Variants in CNKSR2 observed in about 807,000 individuals in gnomAD.
CNKSR2 encodes the protein connector enhancer of kinase suppressor of Ras 2, also known as CNK homolog protein 2.
Under a neutral mutation model 84.4 loss-of-function variants are expected in CNKSR2, and 14 were observed. That is an observed-to-expected ratio of 0.17 (90% confidence interval 0.11 to 0.26). The LOEUF (loss-of-function observed/expected upper bound fraction) is 0.26, where lower values mean the gene tolerates loss of function less well. Among genes scored for constraint, CNKSR2 ranks in the 10% least tolerant of loss-of-function variants. The pLI is 1.00. For missense variants in CNKSR2, 485 were observed against 771.2 expected, an observed-to-expected ratio of 0.63 and a Z score of 4.40; for synonymous variants, 275 against 277.9, an observed-to-expected ratio of 0.99 and a Z score of 0.10.
chrX:21,585,023 C>A (rs756181264), intron 13 of CNKSR2, among the ~76,000 whole-genome samples: 24 of 109,334 alleles, frequency 2.2e-4, no homozygotes, highest in African/African-American at 7.0e-4. Context: ...AAGCAGATCA[C>A]TTGAGCCCAG....
At chrX:21,586,485 G>A (rs930072373) in intron 13 of CNKSR2, among the ~76,000 whole-genome samples, 7 of 111,377 alleles carry the variant, frequency 6.3e-5, no homozygotes, top group Non-Finnish European at 1.1e-4. Context: ...ACAGCAAGAC[G>A]CTTAGTTAAG....
rs1026686552 is a variant in CNKSR2 at position 21,630,426 on chromosome X, G to T, written c.2693-18405G>T. On this transcript the variant is annotated intron_variant, in intron 20 of 21. Coordinates refer to ENST00000379510, the MANE Select transcript of CNKSR2 (RefSeq NM_014927.5). ...CTAATGAGTACTTACTATGTGTCAG[G>T]CACTATTCTAAGGTCTTTACGTAAT... Among the ~76,000 whole-genome samples, 4 of 111,570 alleles carry T rather than the reference G, an allele frequency of 3.6e-5. No homozygotes were observed. In the Admixed American group the frequency reaches 3.8e-4, roughly 11 times the overall value.
At chrX:21,647,976 C>G (rs1242433788) in intron 20 of CNKSR2, among the ~76,000 whole-genome samples, 2 of 111,280 alleles carry the variant, frequency 1.8e-5, no homozygotes, top group Non-Finnish European at 3.8e-5. Flanking sequence ...AGTGTTCAGG[C>G]AATTATAAAA....
At chrX:21,386,361 A>G (rs1376681454) in intron 1 of CNKSR2, among the ~76,000 whole-genome samples, 2 of 111,933 alleles carry the variant, frequency 1.8e-5, no homozygotes, top group African/African-American at 6.5e-5. Flanking sequence ...ATGATAGGAA[A>G]GTTTAGTGAA....
chrX:21,574,876 A>G (rs764834293), intron 13 of CNKSR2, among the ~76,000 whole-genome samples: 25 of 111,613 alleles, frequency 2.2e-4, no homozygotes, highest in South Asian at 7.6e-4. Flanking sequence ...GTGGCTGTTT[A>G]TTTTCATTAT....
rs2089779317 is a variant in CNKSR2, at chrX:21,374,682, A to G, written c.-216A>G. Reference sequence around the variant, plus strand: ...AACTGAGCAGACCCGGCGCGGAGCCACGACTCCTGCACGTTTACCTCCCTG... The same window carrying G: ...AACTGAGCAGACCCGGCGCGGAGCCGCGACTCCTGCACGTTTACCTCCCTG... On this transcript the variant is annotated 5_prime_UTR_variant, in exon 1 of 22. Coordinates refer to ENST00000379510, the MANE Select transcript of CNKSR2 (RefSeq NM_014927.5). The G allele has an allele frequency of 5.9e-6, 3 of 510,011 alleles. No individual in the cohort carries two copies. Among genetic ancestry groups the G allele is most frequent in the Non-Finnish European group, 1.1e-5 (3 of 285,202 alleles). 42.0% of individuals were successfully genotyped at this position (510,011 alleles called of 1,213,427 possible).
chrX:21,630,094 A>G (rs1334070569), intron 20 of CNKSR2, among the ~76,000 whole-genome samples: 2 of 111,890 alleles, frequency 1.8e-5, no homozygotes, highest in South Asian at 3.8e-4. Context: ...GACTCTTCTT[A>G]TGTTTTCTAT....
intron 20 of CNKSR2, among the ~76,000 whole-genome samples, chrX:21,611,197 C>A (rs757271627): frequency 2.4e-3 from 267 of 112,103 alleles, no homozygotes; most frequent in African/African-American, 8.3e-3. Context: ...AATAAATTGT[C>A]TTCTAAAATT....
chrX:21,527,113 G>T (rs1205092043), intron 10 of CNKSR2, 113 bp downstream of exon 10: 3 of 641,812 alleles, frequency 4.7e-6, no homozygotes, highest in Non-Finnish European at 7.0e-6. Context: ...TCACAGTTAG[G>T]AATTCTGAAC....
intron 10 of CNKSR2, among the ~76,000 whole-genome samples, chrX:21,530,641 T>C (rs929046969): frequency 9.0e-6 from 1 of 111,272 alleles, no homozygotes; most frequent in Admixed American, 9.6e-5. Context: ...TGGCACTGTT[T>C]AGGGTAACCA....
chrX:21,543,105 G>C (rs2091990564), intron 11 of CNKSR2, among the ~76,000 whole-genome samples: 1 of 112,608 alleles, frequency 8.9e-6, no homozygotes, highest in South Asian at 3.7e-4. Flanking sequence ...CATAAACTGA[G>C]TTTTATCAAT....
chrX:21,380,076 A>C (rs1238599944), intron 1 of CNKSR2, among the ~76,000 whole-genome samples: 1 of 111,198 alleles, frequency 9.0e-6, no homozygotes, highest in Non-Finnish European at 1.9e-5. Context: ...GAGGAGCATG[A>C]GTAGGTGGCA....
chrX:21,427,731 A>G (rs2090584247), intron 2 of CNKSR2: 1 of 112,634 alleles, frequency 8.9e-6, no homozygotes, highest in Non-Finnish European at 1.9e-5. Context: ...GGGGAATGCA[A>G]AGATGAAAAA....
At chrX:21,608,977 A>G in intron 19 of CNKSR2, 94 bp from the exon 20 acceptor site, 15 of 1,106,785 alleles carry the variant, frequency 1.4e-5, no homozygotes, top group Non-Finnish European at 1.8e-5. Context: ...GAGTTCATCT[A>G]CTTAAATATT....
rs1569272913 is a variant in CNKSR2, at chrX:21,609,709, T to C, written c.2692+92T>C. 3 of 1,053,070 alleles carry C rather than the reference T, an allele frequency of 2.8e-6. No individual in the cohort carries two copies. The East Asian group carries it at 1.0e-4, about 35-fold the overall frequency. 86.8% of individuals were successfully genotyped at this position (1,053,070 alleles called of 1,213,427 possible). On this transcript the variant is annotated intron_variant, in intron 20 of 21. Coordinates refer to ENST00000379510, the MANE Select transcript of CNKSR2 (RefSeq NM_014927.5). ...TGAAGAAAATAGAACCTTGCTTCCC[T>C]TTTTTCTTAAAATAATAGTATTGCT...
chrX:21,583,294 CTT>C (rs2092364511), intron 13 of CNKSR2, among the ~76,000 whole-genome samples: 1 of 111,423 alleles, frequency 9.0e-6, no homozygotes, highest in Non-Finnish European at 1.9e-5. Context: ...CAACAGCAGA[CTT>C]AAGTTCTATG....
chrX:21,633,451 A>G (rs2092657128), intron 20 of CNKSR2, among the ~76,000 whole-genome samples: 1 of 112,680 alleles, frequency 8.9e-6, no homozygotes, highest in Non-Finnish European at 1.9e-5. Flanking sequence ...AAATTTATTA[A>G]CATAAATGAA....
chrX:21,463,976 G>A (rs1316032139), intron 4 of CNKSR2, among the ~76,000 whole-genome samples: 3 of 111,793 alleles, frequency 2.7e-5, no homozygotes, highest in Non-Finnish European at 3.8e-5. Context: ...AGTAAGTTGT[G>A]TGCCGCCCCC....
At chrX:21,492,415 T>C (rs1444909199) in intron 6 of CNKSR2, 1 of 111,455 alleles carries the variant, frequency 9.0e-6, no homozygotes, top group East Asian at 2.8e-4. Flanking sequence ...AGAGTAGATA[T>C]TAATTTTCTC....
Sources: gnomAD v4.1 joint callset for allele counts (sites outside exome capture counted in the v4.1 genomes callset) on GRCh38, gnomAD v4.1.1 for gene constraint, MANE v1.5 for transcripts, NCBI Gene and HGNC (gene_info 2026-07-23, HGNC 2026-07-21) for gene names.